The following EYS variants were observed in gnomAD, a reference collection of about 807,000 sequenced individuals.
EYS encodes protein eyes shut homolog.
Under a neutral mutation model 282.1 loss-of-function variants are expected in EYS, and 250 were observed. The ratio of observed to expected loss-of-function variants is 0.89; its 90% CI spans 0.80 to 0.98. EYS has a LOEUF of 0.98. Ranked by LOEUF, EYS falls within the 50% of genes least tolerant of loss-of-function variation. The pLI is 0.00. For synonymous variants in EYS, 1,355 were observed against 1,282.9 expected (o/e 1.06, Z -1.20); for missense variants, 4,016 against 3,709.0 (o/e 1.08, Z -2.15).
At position 64,396,641 on chromosome 6, in the gene EYS, C is replaced by A. The variant is rs190322172; in HGVS notation, c.5928-7801G>T. Among the ~76,000 whole-genome samples, 91 of 152,130 alleles carry A rather than the reference C, an allele frequency of 6.0e-4. No homozygotes were observed. The East Asian group carries it at 6.0e-3, about 10-fold the overall frequency. Reference sequence around the variant, plus strand: ...GTTTTTATTTTTTCTCTATGGAAATCCAATCGACTCAGTAACATGAGTGGA... The same window carrying A: ...GTTTTTATTTTTTCTCTATGGAAATACAATCGACTCAGTAACATGAGTGGA... On this transcript the variant is annotated intron_variant, in intron 28 of 42. Coordinates refer to ENST00000503581, the MANE Select transcript of EYS (RefSeq NM_001142800.2).
intron 31 of EYS, among the ~76,000 whole-genome samples, chr6:64,095,822 A>G (rs1392624449): frequency 6.6e-6 from 1 of 152,080 alleles, no homozygotes; most frequent in Admixed American, 6.6e-5. Context: ...TATTTTGCTC[A>G]TTAGTTGATG....
chr6:64,303,878 A>G (rs1291402371), intron 30 of EYS, among the ~76,000 whole-genome samples: 1 of 149,266 alleles, frequency 6.7e-6, no homozygotes, highest in Non-Finnish European at 1.5e-5. Flanking sequence ...GGGTAGGGTT[A>G]CGGCTGAAGT....
At chr6:64,987,143 A>C (rs527498708) in intron 14 of EYS, among the ~76,000 whole-genome samples, 1 of 151,482 alleles carries the variant, frequency 6.6e-6, no homozygotes. Context: ...TTCTGGCGAC[A>C]AGCAGCTTTT....
intron 29 of EYS, among the ~76,000 whole-genome samples, chr6:64,366,955 T>G (rs900637575): frequency 1.3e-5 from 2 of 152,038 alleles, no homozygotes; most frequent in Non-Finnish European, 2.9e-5. Context: ...TTTAGTGCAA[T>G]ATAAAGGAGC....
chr6:64,281,697 A>G (rs1768314945), intron 30 of EYS, among the ~76,000 whole-genome samples: 1 of 152,102 alleles, frequency 6.6e-6, no homozygotes. Flanking sequence ...GGTCATTTCT[A>G]GTCCACACAT....
intron 19 of EYS, among the ~76,000 whole-genome samples, chr6:64,868,838 A>T (rs781114764): frequency 1.3e-5 from 2 of 151,534 alleles, no homozygotes; most frequent in African/African-American, 2.4e-5. Flanking sequence ...TACCTTTGGA[A>T]TTTTTCTATC....
At chr6:64,763,276 A>T (rs1268975168) in intron 22 of EYS, among the ~76,000 whole-genome samples, 2 of 152,192 alleles carry the variant, frequency 1.3e-5, no homozygotes, top group African/African-American at 4.8e-5. Flanking sequence ...AGTTTAATTC[A>T]CTCACTGTTC....
At chr6:65,152,673 C>A (rs1764640640) in intron 12 of EYS, among the ~76,000 whole-genome samples, 1 of 151,842 alleles carries the variant, frequency 6.6e-6, no homozygotes, top group African/African-American at 2.4e-5. Flanking sequence ...GCAACCCTAG[C>A]AAACTAAGGC....
At chr6:64,745,336 G>A (rs924337207) in intron 22 of EYS, among the ~76,000 whole-genome samples, 1 of 152,048 alleles carries the variant, frequency 6.6e-6, no homozygotes. Context: ...GGCTTAGTAG[G>A]TGAATAGTGA....
chr6:65,230,336 C>T (rs1044819801), intron 12 of EYS, among the ~76,000 whole-genome samples: 1 of 147,442 alleles, frequency 6.8e-6, no homozygotes, highest in Non-Finnish European at 1.5e-5. Context: ...TGGCGAATAG[C>T]AGAGCATCCA....
chr6:64,533,871 T>G (rs1764431565), intron 26 of EYS, among the ~76,000 whole-genome samples: 1 of 151,794 alleles, frequency 6.6e-6, no homozygotes, highest in South Asian at 2.1e-4. Flanking sequence ...ATTTTAAAGA[T>G]GGTTGATTGG....
At chr6:65,015,870 T>TAA (rs776971479) in intron 13 of EYS, among the ~76,000 whole-genome samples, 14,098 of 51,878 alleles carry the variant, frequency 0.27, 2,503 homozygotes, top group African/African-American at 0.42. Flanking sequence ...TCGTCTCTAC[T>TAA]AAAAAAAAAA....
chr6:64,261,480 T>G (rs1309606654), intron 30 of EYS, among the ~76,000 whole-genome samples: 1 of 152,142 alleles, frequency 6.6e-6, no homozygotes, highest in Admixed American at 6.6e-5. Context: ...TTGTCTTATT[T>G]TATTGTCCAG....
chr6:65,138,632 T>C (rs942798710), intron 12 of EYS, among the ~76,000 whole-genome samples: 6 of 152,150 alleles, frequency 3.9e-5, no homozygotes, highest in African/African-American at 1.4e-4. Flanking sequence ...GGGTTTTCTT[T>C]ATACTTTATA....
intron 14 of EYS, 33 bp from the exon 15 acceptor site, chr6:64,945,947 T>C: frequency 6.7e-7 from 1 of 1,487,968 alleles, no homozygotes; most frequent in Non-Finnish European, 9.1e-7. Flanking sequence ...ATTTTTAGGC[T>C]ATTTCTTACT....
At chr6:63,861,531 C>A (rs1013857562) in intron 36 of EYS, among the ~76,000 whole-genome samples, 2 of 152,192 alleles carry the variant, frequency 1.3e-5, no homozygotes, top group African/African-American at 4.8e-5. Context: ...AGTTAAAAAT[C>A]TTTCCATGTT....
In EYS at chr6:64,639,720, C is replaced by T. The variant is rs527795232; in HGVS notation, c.3444-13475G>A. 3.5e-4 allele frequency among the ~76,000 whole-genome samples: 32 copies of T among 91,040 alleles called. 9 individuals carry two copies. The highest frequency in any genetic ancestry group is 5.9e-4 in the Non-Finnish European group (25 of 42,244). 59.7% of individuals were successfully genotyped at this position (91,040 alleles called of 152,430 possible). ...AAAAGACAAAATTGACAAATGGGATCTCATTAAACTAAAGAGCTTCTGCAC... is the reference window on the plus strand; with the variant it reads ...AAAAGACAAAATTGACAAATGGGATTTCATTAAACTAAAGAGCTTCTGCAC... On this transcript the variant is annotated intron_variant, in intron 22 of 42. Coordinates refer to ENST00000503581, the MANE Select transcript of EYS (RefSeq NM_001142800.2).
chr6:64,213,222 A>G (rs1765832610), intron 31 of EYS, among the ~76,000 whole-genome samples: 2 of 152,150 alleles, frequency 1.3e-5, no homozygotes, highest in African/African-American at 4.8e-5. Flanking sequence ...TGAACTTAAA[A>G]GTTAAAAAAA....
At chr6:64,582,119 A>T (rs1766089398) in intron 26 of EYS, among the ~76,000 whole-genome samples, 1 of 152,302 alleles carries the variant, frequency 6.6e-6, no homozygotes, top group Non-Finnish European at 1.5e-5. Context: ...CCTCTGTCAC[A>T]ACTATTCAAC....
Sources: gnomAD v4.1 joint callset for allele counts (sites outside exome capture counted in the v4.1 genomes callset) on GRCh38, gnomAD v4.1.1 for gene constraint, MANE v1.5 for transcripts, NCBI Gene and HGNC (gene_info 2026-07-23, HGNC 2026-07-21) for gene names.